MINDY1: variants seen among roughly 807,000 people sequenced by gnomAD.
The protein encoded by MINDY1 is ubiquitin carboxyl-terminal hydrolase MINDY-1.
A neutral mutation model predicts 53.6 loss-of-function variants in MINDY1; 50 were observed. The ratio of observed to expected loss-of-function variants is 0.93; its 90% CI spans 0.74 to 1.18. The LOEUF is 1.18. Ranked by LOEUF, MINDY1 falls within the 50% of genes most tolerant of loss-of-function variation. The pLI, the probability that MINDY1 is intolerant of heterozygous loss-of-function variation, is 0.00. For missense variants in MINDY1, 484 were observed against 578.6 expected (o/e 0.84, Z 1.68); for synonymous variants, 231 against 234.7 (o/e 0.98, Z 0.14).
intron 1 of MINDY1, among the ~76,000 whole-genome samples, chr1:151,005,395 T>A (rs1673071350): frequency 7.0e-6 from 1 of 142,134 alleles, no homozygotes. Flanking sequence ...GAGGTTGCAG[T>A]AAGCCAAGAT....
In MINDY1 at chr1:151,001,573, T is replaced by C. The variant is rs1672576554; in HGVS notation, c.511+152A>G. ...GGACTCCCGACGCCTTTGCTTTTCA[T>C]TCTCCAGCCTTGCAGAGAAGCCCCA... On this transcript the variant is annotated intron_variant, in intron 3 of 9. Coordinates refer to ENST00000683666, the MANE Select transcript of MINDY1 (RefSeq NM_001376665.1). 3 of 1,028,630 alleles carry C rather than the reference T, an allele frequency of 2.9e-6. No individual in the cohort carries two copies. In the South Asian group the frequency reaches 4.5e-5, roughly 15 times the overall value. 63.7% of individuals were successfully genotyped at this position (1,028,630 alleles called of 1,614,324 possible).
rs114013679 is a variant in MINDY1, at chr1:150,996,970, A to C, written c.*317T>G. The stretch of plus-strand genomic sequence containing the variant: ...GAGCATCCAGGCAGCAGGGATGGGA[A>C]GCAGAAGAGATGCATTCTGGATAGG... On this transcript the variant is annotated 3_prime_UTR_variant, in exon 10 of 10. Transcript: ENST00000683666. 1,780 of 340,230 alleles carry C rather than the reference A, an allele frequency of 5.2e-3. 21 individuals are homozygous for C. The highest frequency in any genetic ancestry group is 0.034 in the African/African-American group (1,651 of 47,894). 21.1% of individuals were successfully genotyped at this position (340,230 alleles called of 1,614,324 possible). A position where few individuals can be genotyped will look rare whatever the true frequency, so the allele number is the denominator to read the frequency against.
chr1:150,997,370 G>C lies in MINDY1; in HGVS notation c.1330-3C>G, dbSNP rs1385661177. On this transcript the variant is annotated splice_region_variant and splice_polypyrimidine_tract_variant and intron_variant, in intron 9 of 9. Coordinates refer to ENST00000683666, the MANE Select transcript of MINDY1 (RefSeq NM_001376665.1). The stretch of plus-strand genomic sequence containing the variant: ...CGTCCAGATGTGGCTCCTCTCCCCT[G>C]TATCGGATTTAACAATTGGTCACTG... 3 of 1,596,930 alleles carry C rather than the reference G, an allele frequency of 1.9e-6. No individual in the cohort carries two copies. The highest frequency in any genetic ancestry group is 1.3e-5 in the African/African-American group (1 of 74,368).
At position 151,000,473 on chromosome 1, in the gene MINDY1, C is replaced by T; in HGVS notation, c.719G>A (p.Trp240Ter). ...DLLGIPLYHG[W>*]LVDPQSPEAV... ...CACCCTCACCTGTGGATCAACAAGC[C>T]AGCCATGGTACAGAGGTATGCCTAG... Residue 240 changes from tryptophan (W) to a stop codon, truncating the protein, a stop_gained, in exon 5 of 10, where the codon TGG becomes TAG. Coordinates refer to ENST00000683666, the MANE Select transcript of MINDY1 (RefSeq NM_001376665.1). LOFTEE classifies it high-confidence loss of function. The T allele has an allele frequency of 6.2e-7, 1 of 1,606,126 alleles. No homozygotes were observed. Among genetic ancestry groups the T allele is most frequent in the Non-Finnish European group, 8.5e-7 (1 of 1,176,740 alleles).
chr1:150,999,612 G>T lies in MINDY1; in HGVS notation c.839-101C>A. ...CCCTGTCAAAAGCCCCGGGGGGTCA[G>T]TCCCACCTTCTGACGTCCCTTTCTT... On this transcript the variant is annotated intron_variant, in intron 6 of 9. Transcript: ENST00000683666. The surrounding 1 kb of genome is among the most constrained non-coding windows in gnomAD (Gnocchi z 4.4). 2 of 1,473,078 alleles carry T rather than the reference G, an allele frequency of 1.4e-6. No individual in the cohort carries two copies. The highest frequency in any genetic ancestry group is 9.2e-7 in the Non-Finnish European group (1 of 1,084,506). 91.3% of individuals were successfully genotyped at this position (1,473,078 alleles called of 1,614,324 possible).
Position 150,997,704 on chromosome 1 carries a change from G to C in MINDY1, c.1249C>G (p.Gln417Glu). ...PLGLTDLELA[Q>E]QLQQEEYQQQ... is the part of the protein sequence containing the mutation. ...TGATACTCCTCTTGCTGAAGCTGCT[G>C]GGCCAGCTCCAAGTCGGTAAGCCCC... The change falls in exon 9 of 10, where the codon CAG becomes GAG. Residue 417 changes from glutamine to glutamate, a missense_variant. Transcript: ENST00000683666. 1 of 1,613,788 alleles carries C rather than the reference G, an allele frequency of 6.2e-7. No individual in the cohort carries two copies. Among genetic ancestry groups the C allele is most frequent in the Middle Eastern group, 1.6e-4 (1 of 6,062 alleles).
rs1416766913 is a variant in MINDY1, at chr1:151,002,544, T to C, written c.74A>G (p.His25Arg). The change falls in exon 2 of 10, where the codon CAT becomes CGT. Residue 25 changes from histidine to arginine, a missense_variant. His to Arg is a conservative substitution (Grantham distance 29, BLOSUM62 0). Coordinates refer to ENST00000683666, the MANE Select transcript of MINDY1 (RefSeq NM_001376665.1). The surrounding 1 kb of genome is among the most constrained non-coding windows in gnomAD (Gnocchi z 4.1). ...GTAEAVIPENHEVLAGPDEHP... is the reference protein window; with the variant it reads ...GTAEAVIPENREVLAGPDEHP... Reference sequence around the variant, plus strand: ...CTCATCTGGGCCTGCCAGAACCTCATGGTTTTCAGGGATGACTGCTTCTGC... The same window carrying C: ...CTCATCTGGGCCTGCCAGAACCTCACGGTTTTCAGGGATGACTGCTTCTGC... The C allele has an allele frequency of 1.2e-6, 2 of 1,614,190 alleles. No individual in the cohort carries two copies. The highest frequency in any genetic ancestry group is 2.2e-5 in the East Asian group (1 of 44,884).
chr1:151,002,267 C>T lies in MINDY1; in HGVS notation c.351G>A (p.Lys117=). ...TCTGTTCTCCTTTCCAAGGGATCCA[C>T]TTGACACAGTAGAAATCTGGCTCAG... ...RQPEPDFYCV[K]WIPWKGEQTP... The change falls in exon 2 of 10, where the codon AAG becomes AAA. Residue 117 remains lysine, a synonymous_variant. Transcript: ENST00000683666. The surrounding 1 kb of genome is among the most constrained non-coding windows in gnomAD (Gnocchi z 4.1). 6.2e-6 allele frequency: 10 copies of T among 1,614,230 alleles called. No homozygotes were observed. The highest frequency in any genetic ancestry group is 8.5e-6 in the Non-Finnish European group (10 of 1,180,042).
intron 8 of MINDY1, 115 bp downstream of exon 8, chr1:150,997,967 G>T: frequency 8.0e-7 from 1 of 1,257,648 alleles, no homozygotes; most frequent in Non-Finnish European, 1.1e-6. Context: ...ACGGTCTGAG[G>T]TAACCCAGAG....
Position 150,999,221 on chromosome 1 carries a change from G to T in MINDY1, c.981+148C>A. On this transcript the variant is annotated intron_variant, in intron 7 of 9. Transcript: ENST00000683666. The surrounding 1 kb of genome is among the most constrained non-coding windows in gnomAD (Gnocchi z 4.4). The stretch of plus-strand genomic sequence containing the variant: ...CCACAGTGGACACGCACCAGGAGCG[G>T]GAAATGAACCTTTGTTGTGGTAAAC... 1 of 1,154,970 alleles carries T rather than the reference G, an allele frequency of 8.7e-7. No homozygotes were observed. The allele number at this position is 1,154,970 out of a possible 1,614,324, so 71.5% of individuals were successfully genotyped here. A position where few individuals can be genotyped will look rare whatever the true frequency, so the allele number is the denominator to read the frequency against.
chr1:151,006,986 C>A, upstream of MINDY1: 1 of 738,126 alleles, frequency 1.4e-6, no homozygotes, highest in African/African-American at 1.9e-5. Context: ...TCTGGGCTCT[C>A]TCTCTGGGTA....
upstream of MINDY1, chr1:151,006,950 G>C: frequency 2.1e-6 from 2 of 959,776 alleles, no homozygotes; most frequent in Non-Finnish European, 2.5e-6. Context: ...GGGAGGAGAA[G>C]GGCTGGACAG....
At chr1:151,005,479 A>G (rs1232712573) in intron 1 of MINDY1, among the ~76,000 whole-genome samples, 1 of 151,902 alleles carries the variant, frequency 6.6e-6, no homozygotes, top group African/African-American at 2.4e-5. Flanking sequence ...AAAAAGAAAA[A>G]AAAAAAAGAA....
chr1:150,997,719 C>T lies in MINDY1; in HGVS notation c.1234G>A (p.Asp412Asn), dbSNP rs587767775. 11 of 1,613,800 alleles carry T rather than the reference C, an allele frequency of 6.8e-6. No individual in the cohort carries two copies. The African/African-American group carries it at 8.0e-5, about 12-fold the overall frequency. ...TGAAGCTGCTGGGCCAGCTCCAAGT[C>T]GGTAAGCCCCAGCGGGCCTCGTGGC... The part of the protein sequence containing the change: ...QQPRGPLGLT[D>N]LELAQQLQQE... The change falls in exon 9 of 10, where the codon GAC (aspartate) becomes AAC (asparagine). Residue 412 changes from aspartate to asparagine, a missense_variant. Coordinates refer to ENST00000683666, the MANE Select transcript of MINDY1 (RefSeq NM_001376665.1).
chr1:150,997,294 A>C lies in MINDY1; in HGVS notation c.1403T>G (p.Leu468Arg). The C allele has an allele frequency of 6.3e-7, 1 of 1,591,078 alleles. No individual in the cohort carries two copies. The highest frequency in any genetic ancestry group is 8.6e-7 in the Non-Finnish European group (1 of 1,166,760). The change falls in exon 10 of 10, where the codon CTG (leucine) becomes CGG (arginine). Residue 468 changes from leucine to arginine, a missense_variant. Transcript: ENST00000683666. ...QRPKHESDCI[L>R]L is the part of the protein sequence containing the mutation. The stretch of plus-strand genomic sequence containing the variant: ...CCTGGCACTGGGGCAGAGCTACAGC[A>C]GAATGCAGTCTGACTCGTGCTTCGG...
upstream of MINDY1, among the ~76,000 whole-genome samples, chr1:151,007,623 G>A (rs1673371349): frequency 6.6e-6 from 1 of 152,170 alleles, no homozygotes; most frequent in South Asian, 2.1e-4. Flanking sequence ...TTTACAGCTG[G>A]GGAAGCAGGA....
At chr1:151,008,151 C>T (rs1673430318), upstream of MINDY1, 3 of 795,784 alleles carry the variant, frequency 3.8e-6, no homozygotes, top group South Asian at 4.6e-5. Flanking sequence ...TAAAATGTCA[C>T]CAGATGCTCG....
chr1:151,002,828 A>G lies in MINDY1; in HGVS notation c.-89-122T>C. ...GCAGTAACTCCTGGCTATGGGCAGT[A>G]TATGTGTAAACAGAAGGGCCCCGTG... On this transcript the variant is annotated intron_variant, in intron 1 of 9. Transcript: ENST00000683666. The surrounding 1 kb of genome is among the most constrained non-coding windows in gnomAD (Gnocchi z 4.1). 2 of 1,448,782 alleles carry G rather than the reference A, an allele frequency of 1.4e-6. No individual in the cohort carries two copies. The highest frequency in any genetic ancestry group is 1.8e-6 in the Non-Finnish European group (2 of 1,103,794). The allele number at this position is 1,448,782 out of a possible 1,614,324, so 89.7% of individuals were successfully genotyped here. A position where few individuals can be genotyped will look rare whatever the true frequency, so the allele number is the denominator to read the frequency against.
At chr1:151,000,080 A>C (rs1672369880) in intron 5 of MINDY1, 116 bp from the exon 6 acceptor site, 8 of 709,024 alleles carry the variant, frequency 1.1e-5, no homozygotes, top group Non-Finnish European at 1.8e-5. Flanking sequence ...TGGTTCCTAA[A>C]CACTTTTTTT....
Sources: gnomAD v4.1 joint callset for allele counts (sites outside exome capture counted in the v4.1 genomes callset) on GRCh38, gnomAD v4.1.1 for gene constraint, Gnocchi (gnomAD v3.1) non-coding constraint, MANE v1.5 for transcripts, NCBI Gene and HGNC (gene_info 2026-07-23, HGNC 2026-07-21) for gene names.